Variants in CARD19 observed in about 807,000 individuals in gnomAD.
The protein encoded by CARD19 is caspase recruitment domain family member 19, also known as caspase recruitment domain-containing protein 19.
A neutral mutation model predicts 24.1 loss-of-function variants in CARD19; 25 were observed. The observed-to-expected ratio is 1.04, with a 90% CI of 0.76 to 1.45. The LOEUF (loss-of-function observed/expected upper bound fraction) is 1.45. CARD19 is among the 40% of genes most tolerant of loss of function. The pLI is 0.00. For missense variants in CARD19, 241 were observed against 247.4 expected, an observed-to-expected ratio of 0.97 and a Z score of 0.17; for synonymous variants, 103 against 104.9, an observed-to-expected ratio of 0.98 and a Z score of 0.11.
At chr9:93,099,272 A>G (rs1189226630) in intron 1 of CARD19, among the ~76,000 whole-genome samples, 2 of 152,216 alleles carry the variant, frequency 1.3e-5, no homozygotes, top group African/African-American at 2.4e-5. Context: ...CAAGTGGGCA[A>G]TGCTGGAGAG....
chr9:93,104,760 C>T lies in CARD19; in HGVS notation c.8-2914C>T, dbSNP rs568847380. On this transcript the variant is annotated intron_variant, in intron 1 of 5. Transcript: ENST00000375464. ...GGTATACAAATGTTCATAGTATTCTCTTATATTCCTTTTTATTTCTGTAAA... is the reference window on the plus strand; with the variant it reads ...GGTATACAAATGTTCATAGTATTCTTTTATATTCCTTTTTATTTCTGTAAA... Among the ~76,000 whole-genome samples, 58 of 152,222 alleles carry T rather than the reference C, an allele frequency of 3.8e-4. 2 individuals are homozygous for T. The South Asian group carries it at 7.9e-3, about 21-fold the overall frequency.
At position 93,110,768 on chromosome 9, in the gene CARD19, A is replaced by T. The variant is rs779308719; in HGVS notation, c.304+47A>T. The T allele has an allele frequency of 8.9e-6, 14 of 1,574,112 alleles. No individual in the cohort carries two copies. The African/African-American group carries it at 1.2e-4, about 14-fold the overall frequency. On this transcript the variant is annotated intron_variant, in intron 3 of 5. Transcript: ENST00000375464. ...ATGCATGCTTGGTGCTGGCCCGGGG[A>T]GGGCACCCCAGCCTGCCGTTGATGG... is the stretch of plus-strand genomic sequence containing the variant.
intron 3 of CARD19, chr9:93,111,173 G>C (rs1827470955): frequency 8.3e-7 from 1 of 1,199,902 alleles, no homozygotes; most frequent in Non-Finnish European, 1.1e-6. Context: ...ACACGTGTGG[G>C]TGTTTCCATA....
Position 93,110,632 on chromosome 9 carries a change from G to T in CARD19, c.215G>T (p.Ser72Ile), listed in dbSNP as rs763290701. The T allele has an allele frequency of 1.2e-6, 2 of 1,613,926 alleles. No homozygotes were observed. The highest frequency in any genetic ancestry group is 2.2e-5 in the South Asian group (2 of 91,076). Residue 72 changes from serine to isoleucine, a missense_variant, in exon 3 of 6, where the codon AGC (serine) becomes ATC (isoleucine). Physicochemically the swap from Ser to Ile is moderately radical, Grantham distance 142. Coordinates refer to ENST00000375464, the MANE Select transcript of CARD19 (RefSeq NM_032310.5). ...GACCTCCTGAGCCACCTGCAGCGGA[G>T]CGGTGAGCGGGACTGCCAGGAGTTC... ...LCDLLSHLQR[S>I]GERDCQEFYR...
intron 2 of CARD19, chr9:93,109,836 T>C (rs1015611406): frequency 1.3e-5 from 2 of 152,270 alleles, no homozygotes; most frequent in Non-Finnish European, 2.9e-5. Context: ...TTAGCACTTA[T>C]ACCATCACTT....
intron 1 of CARD19, among the ~76,000 whole-genome samples, chr9:93,106,624 CTGA>C (rs1827273620): frequency 6.6e-6 from 1 of 150,746 alleles, no homozygotes; most frequent in African/African-American, 2.4e-5. Flanking sequence ...GAAGTAATTG[CTGA>C]TAAGGAATGT....
chr9:93,108,189 G>A (rs1827336313), intron 2 of CARD19, among the ~76,000 whole-genome samples: 1 of 152,214 alleles, frequency 6.6e-6, no homozygotes, highest in African/African-American at 2.4e-5. Context: ...GAGGGGTGAG[G>A]AGGGAGGAGG....
chr9:93,100,341 C>T (rs1449205067), intron 1 of CARD19, among the ~76,000 whole-genome samples: 2 of 152,242 alleles, frequency 1.3e-5, no homozygotes, highest in Non-Finnish European at 2.9e-5. Context: ...GAGACAGAGT[C>T]TCACTGTTGC....
In CARD19 at chr9:93,096,226, C is replaced by T. The variant is rs548719471; in HGVS notation, c.-120C>T. The T allele has an allele frequency of 2.2e-3, 2,388 of 1,074,650 alleles. 3 individuals carry two copies. Among genetic ancestry groups the T allele is most frequent in the Non-Finnish European group, 2.4e-3 (2,053 of 849,178 alleles). 66.6% of individuals were successfully genotyped at this position (1,074,650 alleles called of 1,614,324 possible). A position where few individuals can be genotyped will look rare whatever the true frequency, so the allele number is the denominator to read the frequency against. The stretch of plus-strand genomic sequence containing the variant: ...GGGGGGCTGGCCTAGCCAAAAGGGG[C>T]GGGCGAGCACGGCCCGCGGGCGGCG... On this transcript the variant is annotated 5_prime_UTR_variant, in exon 1 of 6. Transcript: ENST00000375464. This position sits in a 1 kb window ranked among gnomAD's most constrained non-coding sequence, Gnocchi z 5.4.
chr9:93,110,677 A>T lies in CARD19; in HGVS notation c.260A>T (p.His87Leu). 6.2e-7 allele frequency: 1 copy of T among 1,613,258 alleles called. No individual in the cohort carries two copies. Among genetic ancestry groups the T allele is most frequent in the East Asian group, 2.2e-5 (1 of 44,870 alleles). ...GAGTTCTACCGAGCCCTGTATATCC[A>T]TGCCCAGCCCCTGCACAGCCGCCTG... The part of the protein sequence containing the change: ...CQEFYRALYI[H>L]AQPLHSRLPS... Residue 87 changes from histidine (H) to leucine (L), a missense_variant, in exon 3 of 6, where the codon CAT becomes CTT. Coordinates refer to ENST00000375464, the MANE Select transcript of CARD19 (RefSeq NM_032310.5).
chr9:93,111,705 G>A (rs1827492140), intron 3 of CARD19, 174 bp from the exon 4 acceptor site: 3 of 1,431,680 alleles, frequency 2.1e-6, no homozygotes, highest in Non-Finnish European at 2.7e-6. Context: ...TTGGAGCAGA[G>A]GAGAAGACCC....
chr9:93,112,006 C>T, intron 4 of CARD19, 68 bp downstream of exon 4: 1 of 1,546,694 alleles, frequency 6.5e-7, no homozygotes, highest in Admixed American at 1.9e-5. Flanking sequence ...CTCCCCAGGG[C>T]TCCATCTCCG....
At chr9:93,112,438 C>T (rs1282552340) in intron 5 of CARD19, 149 bp downstream of exon 5, 8 of 679,048 alleles carry the variant, frequency 1.2e-5, no homozygotes, top group Non-Finnish European at 2.0e-5. Context: ...CCTCGCAGGG[C>T]TCCTGAGAAA....
Position 93,107,654 on chromosome 9 carries a change from C to G in CARD19, c.8-20C>G. ...CCCCTTGGGCTGTGCTGGCTCATGA[C>G]CCTGTGCTATCTGTTTTAGATCAGA... On this transcript the variant is annotated intron_variant, in intron 1 of 5. Coordinates refer to ENST00000375464, the MANE Select transcript of CARD19 (RefSeq NM_032310.5). 1 of 1,614,004 alleles carries G rather than the reference C, an allele frequency of 6.2e-7. No homozygotes were observed. The highest frequency in any genetic ancestry group is 1.3e-5 in the African/African-American group (1 of 75,054).
chr9:93,110,853 G>A (rs756545874), intron 3 of CARD19, 132 bp downstream of exon 3: 107 of 1,533,984 alleles, frequency 7.0e-5, no homozygotes, highest in Non-Finnish European at 8.8e-5. Context: ...ATCCCCTCTC[G>A]CCTCAGCCCC....
At chr9:93,103,045 T>C (rs1330807069) in intron 1 of CARD19, among the ~76,000 whole-genome samples, 1 of 152,226 alleles carries the variant, frequency 6.6e-6, no homozygotes, top group Non-Finnish European at 1.5e-5. Flanking sequence ...GTTTTCTATA[T>C]ATAAAATCAT....
intron 3 of CARD19, chr9:93,111,323 G>A (rs767673527): frequency 1.5e-4 from 165 of 1,130,570 alleles, no homozygotes; most frequent in Non-Finnish European, 1.8e-4. Context: ...CTGGGATGTG[G>A]GGGGCATATC....
intron 2 of CARD19, among the ~76,000 whole-genome samples, 200 bp downstream of exon 2, chr9:93,108,016 C>G (rs1424311613): frequency 2.0e-5 from 3 of 152,202 alleles, no homozygotes; most frequent in African/African-American, 7.2e-5. Context: ...TGAGCCCAAC[C>G]AGGCTCGGAA....
chr9:93,107,615 C>T lies in CARD19; in HGVS notation c.8-59C>T, dbSNP rs956934496. 11 of 1,596,458 alleles carry T rather than the reference C, an allele frequency of 6.9e-6. No individual in the cohort carries two copies. In the Admixed American group the frequency reaches 1.2e-4, roughly 17 times the overall value. Reference sequence around the variant, plus strand: ...TCCTGTGGTCAGTGTCAGTACGAGGCTGTCGTCTCTGGTCCCCTTGGGCTG... The same window carrying T: ...TCCTGTGGTCAGTGTCAGTACGAGGTTGTCGTCTCTGGTCCCCTTGGGCTG... On this transcript the variant is annotated intron_variant, in intron 1 of 5. Transcript: ENST00000375464.
Sources: gnomAD v4.1 joint callset for allele counts (sites outside exome capture counted in the v4.1 genomes callset) on GRCh38, gnomAD v4.1.1 for gene constraint, Gnocchi (gnomAD v3.1) non-coding constraint, MANE v1.5 for transcripts, NCBI Gene and HGNC (gene_info 2026-07-23, HGNC 2026-07-21) for gene names.